ERBB4: variants seen among roughly 807,000 people sequenced by gnomAD.
ERBB4 encodes receptor tyrosine-protein kinase erbB-4.
A neutral mutation model predicts 158.0 loss-of-function variants in ERBB4; 42 were observed. The observed-to-expected ratio is 0.27, with a 90% CI of 0.21 to 0.34. ERBB4 has a LOEUF of 0.34. Among genes scored for constraint, ERBB4 ranks in the 10% least tolerant of loss-of-function variants. ERBB4 has a pLI of 1.00. For missense variants in ERBB4, 1,333 were observed against 1,624.1 expected (o/e 0.82, Z 3.08); for synonymous variants, 583 against 558.7 (o/e 1.04, Z -0.61).
chr2:211,909,224 T>C (rs540681600), intron 3 of ERBB4, among the ~76,000 whole-genome samples: 1 of 151,894 alleles, frequency 6.6e-6, no homozygotes, highest in Non-Finnish European at 1.5e-5. Flanking sequence ...GACAAATATT[T>C]CCTGGCAACG....
intron 1 of ERBB4, among the ~76,000 whole-genome samples, chr2:212,492,138 A>G (rs1690313410): frequency 6.6e-6 from 1 of 151,696 alleles, no homozygotes; most frequent in East Asian, 1.9e-4. Context: ...AAAACTCTGA[A>G]GAAATAATGC....
chr2:212,358,194 G>A (rs1167203318), intron 1 of ERBB4, among the ~76,000 whole-genome samples: 3 of 151,702 alleles, frequency 2.0e-5, no homozygotes, highest in South Asian at 4.2e-4. Flanking sequence ...TTTCCTGAAG[G>A]AGAATTCATA....
At chr2:211,665,212 G>C (rs2071581007) in intron 15 of ERBB4, 111 bp downstream of exon 15, 1 of 1,086,856 alleles carries the variant, frequency 9.2e-7, no homozygotes, top group African/African-American at 1.5e-5. Context: ...TTAAATATAA[G>C]GATTAGTAGA....
chr2:212,255,124 C>T (rs2084679533), intron 1 of ERBB4, among the ~76,000 whole-genome samples: 1 of 152,104 alleles, frequency 6.6e-6, no homozygotes, highest in Non-Finnish European at 1.5e-5. Context: ...TACTTTCATC[C>T]TTCTCGCTGT....
At chr2:211,537,906 T>C (rs1055364354) in intron 20 of ERBB4, among the ~76,000 whole-genome samples, 1 of 151,924 alleles carries the variant, frequency 6.6e-6, no homozygotes, top group African/African-American at 2.4e-5. Context: ...AAAAACCCTT[T>C]AAGACATTTT....
chr2:211,835,620 A>G (rs544997522), intron 3 of ERBB4, among the ~76,000 whole-genome samples: 14 of 152,094 alleles, frequency 9.2e-5, no homozygotes, highest in Non-Finnish European at 1.6e-4. Context: ...AAAACATTTA[A>G]TGAAAAACAT....
intron 2 of ERBB4, among the ~76,000 whole-genome samples, chr2:212,073,640 T>C (rs1485679378): frequency 6.6e-6 from 1 of 151,966 alleles, no homozygotes; most frequent in East Asian, 1.9e-4. Context: ...CTTGATGCAG[T>C]GCACACAGGA....
chr2:211,385,538 G>A (rs1310110398), intron 27 of ERBB4, among the ~76,000 whole-genome samples: 1 of 152,132 alleles, frequency 6.6e-6, no homozygotes, highest in Non-Finnish European at 1.5e-5. Context: ...AAGGAATGCA[G>A]AATTTGGTCT....
chr2:211,712,040 T>G lies in ERBB4; in HGVS notation c.1124+10A>C. 1.2e-6 allele frequency: 2 copies of G among 1,609,762 alleles called. No homozygotes were observed. Among genetic ancestry groups the G allele is most frequent in the Non-Finnish European group, 1.7e-6 (2 of 1,176,342 alleles). On this transcript the variant is annotated intron_variant, in intron 9 of 27. Transcript: ENST00000342788. ...TTGTAAAATAACTTGCACAAAAATT[T>G]AATACTGACCCATGAATACCAGTGA... is the stretch of plus-strand genomic sequence containing the variant.
intron 1 of ERBB4, among the ~76,000 whole-genome samples, chr2:212,334,250 C>A (rs1229302670): frequency 1.3e-5 from 2 of 151,946 alleles, no homozygotes; most frequent in African/African-American, 4.8e-5. Context: ...TTTCCTTTAA[C>A]TACTGAATTC....
At chr2:212,182,226 A>T (rs1464718937) in intron 1 of ERBB4, among the ~76,000 whole-genome samples, 1 of 151,782 alleles carries the variant, frequency 6.6e-6, no homozygotes, top group Non-Finnish European at 1.5e-5. Flanking sequence ...TTCCATTTTA[A>T]TGATGATGAA....
intron 3 of ERBB4, among the ~76,000 whole-genome samples, chr2:211,890,082 C>T (rs2106181590): frequency 1.1e-5 from 1 of 88,920 alleles, no homozygotes; most frequent in Non-Finnish European, 2.2e-5. Flanking sequence ...TCGAGAAGAG[C>T]AACTCCAAGA....
rs58206154 is a variant in ERBB4, at chr2:211,763,897, T to TACACACAC, written c.557-13201_557-13194dup. On this transcript the variant is annotated intron_variant, in intron 4 of 27. Transcript: ENST00000342788. ...ACAAGGCCTTAGCTGTGCGTGTGTA[T>TACACACAC]ACACACACACACACACAAATATATG... Among the ~76,000 whole-genome samples the TACACACAC allele has an allele frequency of 8.3e-3, 1,240 of 150,070 alleles. 16 individuals are homozygous for TACACACAC. The highest frequency in any genetic ancestry group is 0.029 in the African/African-American group (1,164 of 40,676).
chr2:212,274,436 AT>A (rs1329912958), intron 1 of ERBB4, among the ~76,000 whole-genome samples: 1 of 151,964 alleles, frequency 6.6e-6, no homozygotes, highest in Admixed American at 6.6e-5. Context: ...TGAACTGCTC[AT>A]GCTGAGATGA....
Position 212,211,401 on chromosome 2 carries a change from T to C in ERBB4, c.83-86498A>G, listed in dbSNP as rs138173088. ...GCTGCAAAAGACTCAGCTTTCAAGG[T>C]TGCAATTAATATCAGCCTTCTCTGA... On this transcript the variant is annotated intron_variant, in intron 1 of 27. Transcript: ENST00000342788. 8.5e-5 allele frequency among the ~76,000 whole-genome samples: 13 copies of C among 152,190 alleles called. No individual in the cohort carries two copies. The East Asian group carries it at 2.3e-3, about 27-fold the overall frequency.
chr2:212,132,001 C>T (rs1029656877), intron 1 of ERBB4, among the ~76,000 whole-genome samples: 3 of 152,072 alleles, frequency 2.0e-5, no homozygotes, highest in Non-Finnish European at 4.4e-5. Flanking sequence ...GTTATGAATA[C>T]ATTTTGTGTG....
chr2:211,620,659 A>T (rs2069566695), intron 18 of ERBB4, among the ~76,000 whole-genome samples: 1 of 152,244 alleles, frequency 6.6e-6, no homozygotes, highest in South Asian at 2.1e-4. Context: ...AAGCAGAAAC[A>T]GAAAAAAGAA....
chr2:212,348,992 G>A (rs1191403789), intron 1 of ERBB4, among the ~76,000 whole-genome samples: 1 of 152,034 alleles, frequency 6.6e-6, no homozygotes. Flanking sequence ...GTGTGTGGTG[G>A]TCCTATAGGT....
chr2:211,679,887 CCAGGCTGGT>C (rs1217636142), intron 12 of ERBB4, among the ~76,000 whole-genome samples: 1 of 152,066 alleles, frequency 6.6e-6, no homozygotes, highest in African/African-American at 2.4e-5. Context: ...ACCATGTTGG[CCAGGCTGGT>C]CTTAAACTCC....
Sources: allele counts gnomAD v4.1 joint callset (sites outside exome capture counted in the v4.1 genomes callset), GRCh38; gene constraint gnomAD v4.1.1; transcripts MANE v1.5; gene names NCBI Gene and HGNC (gene_info 2026-07-23, HGNC 2026-07-21).